Variants in NECAB2 observed in about 807,000 individuals in gnomAD.
The protein encoded by NECAB2 is N-terminal EF-hand calcium-binding protein 2.
Under a neutral mutation model 51.9 loss-of-function variants are expected in NECAB2, and 68 were observed. That is an observed-to-expected ratio of 1.31 (90% confidence interval 1.08 to 1.60). The LOEUF is 1.60. Among genes scored for constraint, NECAB2 ranks in the 40% most tolerant of loss-of-function variants. The probability of loss-of-function intolerance (pLI) is 0.00; values close to 1 mark genes in which losing one functional copy is unlikely to be tolerated. For synonymous variants in NECAB2, 329 were observed against 203.5 expected (o/e 1.62, Z -5.25); for missense variants, 854 against 490.3 (o/e 1.74, Z -7.00).
At chr16:83,984,697 C>G (rs2084530523) in intron 5 of NECAB2, among the ~76,000 whole-genome samples, 1 of 152,070 alleles carries the variant, frequency 6.6e-6, no homozygotes, top group Admixed American at 6.5e-5. Flanking sequence ...GCCGCTGCAA[C>G]CCAACCTGGG....
intron 6 of NECAB2, among the ~76,000 whole-genome samples, chr16:83,991,602 G>A (rs182652048): frequency 5.3e-5 from 8 of 151,482 alleles, no homozygotes; most frequent in Admixed American, 2.6e-4. Context: ...TGATCCACCC[G>A]CCTCAGCCTC....
chr16:83,994,881 C>T (rs1398205977), intron 8 of NECAB2, among the ~76,000 whole-genome samples, 193 bp downstream of exon 8: 1 of 152,160 alleles, frequency 6.6e-6, no homozygotes, highest in African/African-American at 2.4e-5. Context: ...TCGTGTTGTT[C>T]AGGCCCAAGG....
chr16:84,001,193 AGTGCCCG>A (rs1352654948), intron 11 of NECAB2, among the ~76,000 whole-genome samples: 2 of 151,752 alleles, frequency 1.3e-5, no homozygotes, highest in African/African-American at 4.9e-5. Context: ...CCTCCAGCTG[AGTGCCCG>A]GTACGAGGGA....
rs200784843 is a variant in NECAB2 at position 83,998,168 on chromosome 16, C to A, written c.850-37C>A. 2,496 of 1,583,902 alleles carry A rather than the reference C, an allele frequency of 1.6e-3. 3 individuals are homozygous for A. Among genetic ancestry groups the A allele is most frequent in the Non-Finnish European group, 1.8e-3 (2,121 of 1,165,184 alleles). On this transcript the variant is annotated intron_variant, in intron 9 of 12. Transcript: ENST00000305202. ...TGGGGTGTTTAGGGAGAAGGCCTGACGTGGAGCCCCACACTGACTCCTGCT... is the reference window on the plus strand; with the variant it reads ...TGGGGTGTTTAGGGAGAAGGCCTGAAGTGGAGCCCCACACTGACTCCTGCT...
Position 84,002,745 on chromosome 16 carries a change from C to T in NECAB2, c.*399C>T. On this transcript the variant is annotated 3_prime_UTR_variant, in exon 13 of 13. Coordinates refer to ENST00000305202, the MANE Select transcript of NECAB2 (RefSeq NM_019065.3). ...ACCTAGCCAGGTAGCCACCACTGTG[C>T]CCAGGCGCCAAATAAACCCTGGTTG... The T allele has an allele frequency of 4.5e-6, 1 of 220,016 alleles. No homozygotes were observed. Among genetic ancestry groups the T allele is most frequent in the African/African-American group, 2.3e-5 (1 of 44,298 alleles). 13.6% of individuals were successfully genotyped at this position (220,016 alleles called of 1,614,324 possible).
intron 1 of NECAB2, among the ~76,000 whole-genome samples, 170 bp downstream of exon 1, chr16:83,969,019 C>T (rs1422450307): frequency 2.0e-5 from 3 of 151,610 alleles, no homozygotes; most frequent in South Asian, 2.1e-4. Context: ...CCGCCACGTC[C>T]AGGCCGGTCT....
intron 8 of NECAB2, 105 bp downstream of exon 8, chr16:83,994,793 G>A (rs868762091): frequency 7.6e-7 from 1 of 1,315,772 alleles, no homozygotes; most frequent in Non-Finnish European, 1.1e-6. Context: ...AGGGGCCAGG[G>A]AACCATGAAA....
At chr16:83,992,851 G>GA (rs896658674) in intron 6 of NECAB2, among the ~76,000 whole-genome samples, 7 of 152,184 alleles carry the variant, frequency 4.6e-5, no homozygotes, top group African/African-American at 1.7e-4. Context: ...CCATCGCTGT[G>GA]AAAAAAGCTG....
intron 10 of NECAB2, among the ~76,000 whole-genome samples, chr16:83,998,638 C>G (rs1250855539): frequency 3.3e-5 from 5 of 152,146 alleles, no homozygotes; most frequent in Admixed American, 6.5e-5. Context: ...TCCAGCTGGG[C>G]CTGGTGTGCC....
rs1362832290 is a variant in NECAB2, at chr16:83,974,212, G to C, written c.226+2037G>C. On this transcript the variant is annotated intron_variant, in intron 2 of 12. Coordinates refer to ENST00000305202, the MANE Select transcript of NECAB2 (RefSeq NM_019065.3). ...TGCGGGTTCCAGCAAGAGCTTCCCAGGTCCCCCAGCCTGACTGCCTAGGCT... is the reference window on the plus strand; with the variant it reads ...TGCGGGTTCCAGCAAGAGCTTCCCACGTCCCCCAGCCTGACTGCCTAGGCT... 2.6e-5 allele frequency among the ~76,000 whole-genome samples: 4 copies of C among 152,170 alleles called. No individual in the cohort carries two copies. The South Asian group carries it at 6.2e-4, about 24-fold the overall frequency.
Position 84,002,503 on chromosome 16 carries a change from C to G in NECAB2, c.*157C>G, listed in dbSNP as rs960686321. ...TGTTGTTAAGTGAAGGAGGCCGCCC[C>G]TGCCCCCACCTGAGAAGGCAGAGCA... On this transcript the variant is annotated 3_prime_UTR_variant, in exon 13 of 13. Transcript: ENST00000305202. The G allele has an allele frequency of 3.3e-6, 3 of 912,186 alleles. No individual in the cohort carries two copies. Among genetic ancestry groups the G allele is most frequent in the Non-Finnish European group, 5.1e-6 (3 of 588,752 alleles). The allele number at this position is 912,186 out of a possible 1,614,324, so 56.5% of individuals were successfully genotyped here.
intron 10 of NECAB2, among the ~76,000 whole-genome samples, chr16:83,999,872 A>G (rs2084787034): frequency 7.1e-6 from 1 of 141,192 alleles, no homozygotes; most frequent in Non-Finnish European, 1.5e-5. Flanking sequence ...TGATTTTTAA[A>G]GGTTTTTTGA....
chr16:83,968,974 G>T lies in NECAB2; in HGVS notation c.201+125G>T, dbSNP rs1280636849. 5.9e-6 allele frequency: 3 copies of T among 508,518 alleles called. No individual in the cohort carries two copies. The Middle Eastern group carries it at 2.7e-3, about 452-fold the overall frequency. The allele number at this position is 508,518 out of a possible 1,614,324, so 31.5% of individuals were successfully genotyped here. On this transcript the variant is annotated intron_variant, in intron 1 of 12. Coordinates refer to ENST00000305202, the MANE Select transcript of NECAB2 (RefSeq NM_019065.3). The stretch of plus-strand genomic sequence containing the variant: ...CTCCCTACCCGGGCAGGAGACCCCC[G>T]GCCCCTCCGCGTGCCGGAGCGGGAG...
intron 5 of NECAB2, among the ~76,000 whole-genome samples, chr16:83,982,873 C>A (rs2084506565): frequency 6.7e-6 from 1 of 150,126 alleles, no homozygotes; most frequent in African/African-American, 2.5e-5. Context: ...TTTTCTTTTT[C>A]TTTTTCTTTT....
At position 83,994,386 on chromosome 16, in the gene NECAB2, C is replaced by G. The variant is rs367851399; in HGVS notation, c.681C>G (p.Leu227=). 6.2e-7 allele frequency: 1 copy of G among 1,614,190 alleles called. No individual in the cohort carries two copies. Among genetic ancestry groups the G allele is most frequent in the Non-Finnish European group, 8.5e-7 (1 of 1,180,036 alleles). The change falls in exon 7 of 13, where the codon CTC becomes CTG. Residue 227 remains leucine, a synonymous_variant. Transcript: ENST00000305202. Reference sequence around the variant, plus strand: ...CCGCCTCTGCCCCCAACCACAAGCTCATGGCTATGGAACAAGGCAAGACCC... The same window carrying G: ...CCGCCTCTGCCCCCAACCACAAGCTGATGGCTATGGAACAAGGCAAGACCC... ...PTPASAPNHK[L]MAMEQGKTLP...
rs2084842224 is a variant in NECAB2 at position 84,001,811 on chromosome 16, TCC to T, written c.1041-12_1041-11del. On this transcript the variant is annotated splice_polypyrimidine_tract_variant and intron_variant, in intron 11 of 12. Coordinates refer to ENST00000305202, the MANE Select transcript of NECAB2 (RefSeq NM_019065.3). ...TCCTGCCACCCCTGACTCACACATGTCCCTGCGTCACAGGCACCTGCAGAGCC... is the reference window on the plus strand; with the variant it reads ...TCCTGCCACCCCTGACTCACACATGTCTGCGTCACAGGCACCTGCAGAGCC... 1 of 1,613,664 alleles carries T rather than the reference TCC, an allele frequency of 6.2e-7. No individual in the cohort carries two copies. The highest frequency in any genetic ancestry group is 1.3e-5 in the African/African-American group (1 of 74,888).
chr16:84,000,057 TA>T (rs879572303), intron 10 of NECAB2, among the ~76,000 whole-genome samples: 10,145 of 141,938 alleles, frequency 0.071, 1,070 homozygotes, highest in African/African-American at 0.29. Context: ...CAGCAAGTTT[TA>T]TTTTTTTTTT....
At chr16:83,992,082 A>G (rs2084632790) in intron 6 of NECAB2, among the ~76,000 whole-genome samples, 1 of 152,132 alleles carries the variant, frequency 6.6e-6, no homozygotes, top group South Asian at 2.1e-4. Flanking sequence ...TCCAGCTTGA[A>G]TCCTGAGGCT....
At chr16:83,966,828 C>T (rs1163566077), upstream of NECAB2, among the ~76,000 whole-genome samples, 2 of 152,224 alleles carry the variant, frequency 1.3e-5, no homozygotes, top group African/African-American at 4.8e-5. Flanking sequence ...GCCGTCACAG[C>T]AAATACTCCT....
Sources: allele counts gnomAD v4.1 joint callset (sites outside exome capture counted in the v4.1 genomes callset), GRCh38; gene constraint gnomAD v4.1.1; transcripts MANE v1.5; gene names NCBI Gene and HGNC (gene_info 2026-07-23, HGNC 2026-07-21).